STS: variants seen among roughly 807,000 people sequenced by gnomAD.
The protein encoded by STS is steroid sulfatase.
STS carries 7 observed loss-of-function variants against 26.8 expected under a neutral mutation model. The ratio of observed to expected loss-of-function variants is 0.26; its 90% CI spans 0.15 to 0.49. The LOEUF (loss-of-function observed/expected upper bound fraction) is 0.49, where lower values mean the gene tolerates loss of function less well. STS is among the 20% of genes least tolerant of loss of function. STS has a pLI of 0.98. For synonymous variants in STS, 199 were observed against 189.4 expected (o/e 1.05, Z -0.42); for missense variants, 434 against 465.6 (o/e 0.93, Z 0.63).
At chrX:7,184,444 A>C (rs1409686876) in intron 1 of STS, among the ~76,000 whole-genome samples, 1 of 112,461 alleles carries the variant, frequency 8.9e-6, no homozygotes, top group Non-Finnish European at 1.9e-5. Context: ...ATTGCCAATT[A>C]AAAATTTACT....
At chrX:7,312,437 C>A (rs1393344985) in intron 8 of STS, among the ~76,000 whole-genome samples, 4 of 111,511 alleles carry the variant, frequency 3.6e-5, no homozygotes, top group African/African-American at 1.3e-4. Flanking sequence ...CCTTGAGTAA[C>A]CATGGAGTAG....
chrX:7,273,754 T>A (rs1924397339), intron 6 of STS, among the ~76,000 whole-genome samples: 1 of 111,499 alleles, frequency 9.0e-6, no homozygotes, highest in African/African-American at 3.3e-5. Flanking sequence ...ACACATTAAA[T>A]GAATTTGTAT....
chrX:7,149,632 A>C (rs1192769878), intron 1 of STS, among the ~76,000 whole-genome samples: 1 of 111,914 alleles, frequency 8.9e-6, no homozygotes, highest in East Asian at 2.8e-4. Context: ...CTGCCATAGT[A>C]ATATACCACA....
At chrX:7,215,147 A>T (rs1284479810) in intron 2 of STS, among the ~76,000 whole-genome samples, 1 of 102,748 alleles carries the variant, frequency 9.7e-6, no homozygotes, top group African/African-American at 3.6e-5. Flanking sequence ...ACATATATAT[A>T]TATATATATA....
chrX:7,247,490 C>T (rs1286240060), intron 2 of STS, among the ~76,000 whole-genome samples: 3 of 111,951 alleles, frequency 2.7e-5, no homozygotes, highest in Non-Finnish European at 5.6e-5. Context: ...TGCAGCTGCA[C>T]GAACATAGAG....
At chrX:7,276,408 C>A (rs1924540205) in intron 7 of STS, among the ~76,000 whole-genome samples, 2 of 110,629 alleles carry the variant, frequency 1.8e-5, no homozygotes, top group South Asian at 7.8e-4. Context: ...GAGGTTGAGG[C>A]TGCACTGAGC....
intron 8 of STS, among the ~76,000 whole-genome samples, chrX:7,319,945 A>G (rs948510915): frequency 4.2e-5 from 4 of 94,257 alleles, no homozygotes; most frequent in African/African-American, 1.6e-4. Flanking sequence ...ATATATTTTT[A>G]TATGTATATT....
At chrX:7,233,726 G>A (rs1296201593) in intron 2 of STS, among the ~76,000 whole-genome samples, 1 of 111,505 alleles carries the variant, frequency 9.0e-6, no homozygotes, top group Non-Finnish European at 1.9e-5. Flanking sequence ...GCCTCCCATC[G>A]CTGTCTTCCT....
chrX:7,253,264 C>T lies in STS; in HGVS notation c.65C>T (p.Pro22Leu), dbSNP rs1233947671. The T allele has an allele frequency of 2.8e-5, 34 of 1,209,464 alleles. No homozygotes were observed. Among genetic ancestry groups the T allele is most frequent in the African/African-American group, 3.5e-5 (2 of 57,043 alleles). ...GCCGAGAGCCACGCAGCATCAAGGC[C>T]GAACATCATCCTGGTGATGGCTGAC... ...WEAESHAASR[P>L]NIILVMADDL... is the part of the protein sequence containing the mutation. The change falls in exon 3 of 11, where the codon CCG becomes CTG. Residue 22 changes from proline to leucine, a missense_variant. Pro to Leu is a moderately conservative substitution (Grantham distance 98, BLOSUM62 -3). Around this residue, in one of 2 missense-constraint regions of STS, gnomAD observed 229 missense variants for 288.3 expected, o/e 0.79. Coordinates refer to ENST00000674429, the MANE Select transcript of STS (RefSeq NM_001320752.2).
chrX:7,154,291 C>T (rs1437098591), intron 1 of STS, among the ~76,000 whole-genome samples: 1 of 112,316 alleles, frequency 8.9e-6, no homozygotes, highest in Non-Finnish European at 1.9e-5. Context: ...ACCTGCAAGG[C>T]TCTGAGTTCC....
At chrX:7,311,648 G>C (rs1926482380) in intron 8 of STS, among the ~76,000 whole-genome samples, 1 of 111,769 alleles carries the variant, frequency 8.9e-6, no homozygotes, top group Admixed American at 9.5e-5. Context: ...AGGAGTCGGA[G>C]CCCAGCCTGG....
intron 2 of STS, among the ~76,000 whole-genome samples, chrX:7,214,981 C>CAT (rs1271635413): frequency 2.7e-5 from 1 of 37,702 alleles, no homozygotes; most frequent in Non-Finnish European, 5.3e-5. Context: ...TGTATATATA[C>CAT]ATATATATAC....
At chrX:7,201,083 T>C (rs972790610) in intron 2 of STS, among the ~76,000 whole-genome samples, 1 of 110,832 alleles carries the variant, frequency 9.0e-6, no homozygotes, top group East Asian at 2.8e-4. Flanking sequence ...GGTAGATGGA[T>C]GGATAAATAG....
intron 10 of STS, among the ~76,000 whole-genome samples, chrX:7,341,411 G>A (rs183255450): frequency 1.5e-3 from 167 of 111,237 alleles, no homozygotes; most frequent in Admixed American, 3.3e-3. Context: ...CCTGGTCCTC[G>A]TCCTCTCAGC....
chrX:7,294,251 A>G (rs1249603805), intron 7 of STS, among the ~76,000 whole-genome samples: 1 of 111,413 alleles, frequency 9.0e-6, no homozygotes, highest in East Asian at 2.8e-4. Context: ...TCAAATTAAA[A>G]TTAATAGTGT....
chrX:7,354,471 G>A lies in STS; in HGVS notation c.*4210G>A, dbSNP rs1214239451. ...TTCATGACAACATGAAACCTATTGG[G>A]ACAGCATGACTGTGCAGGGTCTTTA... is the stretch of plus-strand genomic sequence containing the variant. On this transcript the variant is annotated 3_prime_UTR_variant, in exon 11 of 11. Transcript: ENST00000674429. 1 of 111,567 alleles carries A rather than the reference G, an allele frequency of 9.0e-6. No homozygotes were observed. The highest frequency in any genetic ancestry group is 3.3e-5 in the African/African-American group (1 of 30,678). 9.2% of individuals were successfully genotyped at this position (111,567 alleles called of 1,213,427 possible).
At chrX:7,234,650 A>G (rs1922229043) in intron 2 of STS, among the ~76,000 whole-genome samples, 1 of 111,134 alleles carries the variant, frequency 9.0e-6, no homozygotes, top group Non-Finnish European at 1.9e-5. Context: ...AGAACACTCT[A>G]CCTCTGAAAT....
chrX:7,163,416 C>T (rs1460417583), intron 1 of STS, among the ~76,000 whole-genome samples: 1 of 112,502 alleles, frequency 8.9e-6, no homozygotes, highest in African/African-American at 3.2e-5. Flanking sequence ...TTCCAGCTGG[C>T]CAGGCAGCTC....
chrX:7,309,646 T>G (rs1161733485), intron 8 of STS, among the ~76,000 whole-genome samples: 5 of 111,621 alleles, frequency 4.5e-5, no homozygotes, highest in Admixed American at 3.8e-4. Flanking sequence ...TAGGATTAAA[T>G]CATCCTTCCA....
Sources: allele counts gnomAD v4.1 joint callset (sites outside exome capture counted in the v4.1 genomes callset), GRCh38; gene constraint gnomAD v4.1.1; regional missense constraint gnomAD v4.1.1; transcripts MANE v1.5; gene names NCBI Gene and HGNC (gene_info 2026-07-23, HGNC 2026-07-21).